The following SDAD1 variants were observed in gnomAD, a reference collection of about 807,000 sequenced individuals.
The protein encoded by SDAD1 is protein SDA1 homolog.
In SDAD1, 79 loss-of-function variants were observed where a neutral mutation model predicts 100.3. The ratio of observed to expected loss-of-function variants is 0.79; its 90% CI spans 0.66 to 0.95. The LOEUF is 0.95. Ranked by LOEUF, SDAD1 falls within the 40% of genes least tolerant of loss-of-function variation. SDAD1 has a pLI of 0.00. For synonymous variants in SDAD1, 267 were observed against 271.4 expected (o/e 0.98, Z 0.16); for missense variants, 790 against 810.9 (o/e 0.97, Z 0.31).
rs2242472 is a variant in SDAD1, at chr4:75,957,574, G to C, written c.1713C>G (p.Ala571=). ...ATTTCCTCTTCTGGGATTTCCCGGG[G>C]GCAGCATCAAGTTCTTTTCTCATTT... ...MAQMRKELDA[A]PGKSQKRKYI... The change falls in exon 19 of 22, where the codon GCC becomes GCG. Residue 571 remains alanine (A), a synonymous_variant. Transcript: ENST00000356260. 2,266 of 1,614,092 alleles carry C rather than the reference G, an allele frequency of 1.4e-3. 44 individuals are homozygous for C. The East Asian group carries it at 0.041, about 29-fold the overall frequency.
rs918549999 is a variant in SDAD1 at position 75,990,862 on chromosome 4, G to A, written c.-21C>T. On this transcript the variant is annotated 5_prime_UTR_variant, in exon 1 of 22. Transcript: ENST00000356260. ...GACATTTTGGCTGCAGACAGACTTCGCGGCGAGCAGTTTTAAAAAAACTCA... is the reference window on the plus strand; with the variant it reads ...GACATTTTGGCTGCAGACAGACTTCACGGCGAGCAGTTTTAAAAAAACTCA... 3.7e-6 allele frequency: 6 copies of A among 1,613,872 alleles called. No homozygotes were observed. The African/African-American group carries it at 6.7e-5, about 18-fold the overall frequency.
chr4:75,974,018 G>T lies in SDAD1; in HGVS notation c.636+58C>A, dbSNP rs1007922233. On this transcript the variant is annotated intron_variant, in intron 7 of 21. Transcript: ENST00000356260. ...TGCTGAGTGATGCTTTCTTCTAACT[G>T]CATGCAGAAGCAGACCATCCACAGA... 2.8e-6 allele frequency: 4 copies of T among 1,415,116 alleles called. No individual in the cohort carries two copies. In the Admixed American group the frequency reaches 6.7e-5, roughly 24 times the overall value. 87.7% of individuals were successfully genotyped at this position (1,415,116 alleles called of 1,614,324 possible).
At chr4:75,974,005 C>T (rs1208176745) in intron 7 of SDAD1, 71 bp downstream of exon 7, 1 of 1,327,208 alleles carries the variant, frequency 7.5e-7, no homozygotes, top group Non-Finnish European at 1.1e-6. Context: ...CTGAGTGATG[C>T]TTTCTTCTAA....
Position 75,973,338 on chromosome 4 carries a change from CT to C in SDAD1, c.689del (p.Gln230ArgfsTer18), listed in dbSNP as rs1307312403. ...TAACCTCAGATTCGGAGTCACTGTC[CT>C]GTTTTTCATCTTCATCTTTCCCAAG... ...FFLGKDEDEK[Q>X]DSDSESEDDG... On this transcript the variant is annotated frameshift_variant, in exon 8 of 22. Coordinates refer to ENST00000356260, the MANE Select transcript of SDAD1 (RefSeq NM_018115.4). LOFTEE classifies it high-confidence loss of function. 13 of 1,613,474 alleles carry C rather than the reference CT, an allele frequency of 8.1e-6. No individual in the cohort carries two copies. The highest frequency in any genetic ancestry group is 9.3e-6 in the Non-Finnish European group (11 of 1,179,726).
At chr4:75,959,060 T>G (rs538619268) in intron 17 of SDAD1, among the ~76,000 whole-genome samples, 2 of 117,542 alleles carry the variant, frequency 1.7e-5, no homozygotes, top group South Asian at 6.1e-4. Flanking sequence ...ATCACGCCAC[T>G]GTACTCCAGC....
chr4:75,970,177 T>C, intron 10 of SDAD1, 132 bp downstream of exon 10: 2 of 680,696 alleles, frequency 2.9e-6, no homozygotes, highest in East Asian at 2.6e-5. Context: ...TACAACCAAC[T>C]AGTAACAACT....
Position 75,971,406 on chromosome 4 carries a change from T to C in SDAD1, c.764A>G (p.Lys255Arg), listed in dbSNP as rs769031452. Residue 255 changes from lysine (K) to arginine (R), a missense_variant, in exon 9 of 22, where the codon AAA becomes AGA. By Grantham distance (26) the Lys-to-Arg change is conservative. Coordinates refer to ENST00000356260, the MANE Select transcript of SDAD1 (RefSeq NM_018115.4). ...DLLVQYATGKKSSKNKKKLEK... is the reference protein window; with the variant it reads ...DLLVQYATGKRSSKNKKKLEK... ...CAACTTTTTCTTGTTTTTGGAACTT[T>C]TCTTCCCTGTAGCATATTGTACTAG... 6.2e-7 allele frequency: 1 copy of C among 1,614,152 alleles called. No individual in the cohort carries two copies. The highest frequency in any genetic ancestry group is 1.1e-5 in the South Asian group (1 of 91,084).
At chr4:75,987,186 GA>G (rs1375280942) in intron 1 of SDAD1, among the ~76,000 whole-genome samples, 1 of 151,904 alleles carries the variant, frequency 6.6e-6, no homozygotes, top group Non-Finnish European at 1.5e-5. Context: ...TTTACCCTTT[GA>G]AAGTATACAA....
intron 9 of SDAD1, among the ~76,000 whole-genome samples, chr4:75,970,784 T>G (rs996703238): frequency 6.6e-6 from 1 of 152,186 alleles, no homozygotes; most frequent in Non-Finnish European, 1.5e-5. Flanking sequence ...TCACAAGATC[T>G]GATGGTTTAA....
Position 75,957,426 on chromosome 4 carries a change from A to T in SDAD1, c.1770-17T>A. On this transcript the variant is annotated splice_polypyrimidine_tract_variant and intron_variant, in intron 19 of 21. Transcript: ENST00000356260. ...AATTCACCCCTGGGGTGAGGGAAAAATAACACATGAAACAAGAATGGAATT... is the reference window on the plus strand; with the variant it reads ...AATTCACCCCTGGGGTGAGGGAAAATTAACACATGAAACAAGAATGGAATT... The T allele has an allele frequency of 6.2e-7, 1 of 1,613,498 alleles. No individual in the cohort carries two copies.
chr4:75,988,463 A>C (rs66477189), intron 1 of SDAD1, among the ~76,000 whole-genome samples: 23,088 of 152,124 alleles, frequency 0.15, 2,784 homozygotes, highest in African/African-American at 0.33. Flanking sequence ...AAAGATTACT[A>C]TCTCAAGAAG....
Position 75,965,833 on chromosome 4 carries a change from A to G in SDAD1, c.1046-11T>C, listed in dbSNP as rs770564658. ...GGATCTTGGTTACTTCTGAAAACAT[A>G]AGAGAACAGAAAGGTCATGGTCAGT... On this transcript the variant is annotated splice_polypyrimidine_tract_variant and intron_variant, in intron 12 of 21. Transcript: ENST00000356260. 7.4e-6 allele frequency: 12 copies of G among 1,612,206 alleles called. No homozygotes were observed. The highest frequency in any genetic ancestry group is 2.2e-5 in the East Asian group (1 of 44,838).
In SDAD1 at chr4:75,973,386, TA is replaced by T; in HGVS notation, c.641del (p.Leu214Ter). On this transcript the variant is annotated frameshift_variant, in exon 8 of 22. Transcript: ENST00000356260. LOFTEE classifies it high-confidence loss of function. ...TACFSKVTKILVAALTFFLGK... is the reference protein window; with the variant it reads ...TACFSKVTKIXVAALTFFLGK... ...CAAGAAAGAATGTCAAAGCGGCAAC[TA>T]ATATCTAAACACCAATGAGAAAAAA... is the stretch of plus-strand genomic sequence containing the variant. The T allele has an allele frequency of 6.2e-7, 1 of 1,612,704 alleles. No homozygotes were observed. Among genetic ancestry groups the T allele is most frequent in the African/African-American group, 1.3e-5 (1 of 75,012 alleles).
chr4:75,961,144 G>A, intron 15 of SDAD1, 40 bp from the exon 16 acceptor site: 1 of 1,607,306 alleles, frequency 6.2e-7, no homozygotes, highest in Non-Finnish European at 8.5e-7. Flanking sequence ...CTGGCCCATA[G>A]AGTACAATGA....
intron 1 of SDAD1, among the ~76,000 whole-genome samples, chr4:75,988,481 C>T (rs1433776859): frequency 2.0e-5 from 3 of 152,148 alleles, no homozygotes; most frequent in African/African-American, 7.2e-5. Context: ...AAGACCTTCC[C>T]TAACTATCCA....
In SDAD1 at chr4:75,955,970, C is replaced by T. The variant is rs1369082935; in HGVS notation, c.2016+5G>A. 2 of 1,591,012 alleles carry T rather than the reference C, an allele frequency of 1.3e-6. No homozygotes were observed. Among genetic ancestry groups the T allele is most frequent in the Admixed American group, 1.8e-5 (1 of 54,288 alleles). On this transcript the variant is annotated splice_donor_5th_base_variant and intron_variant, in intron 21 of 21. Coordinates refer to ENST00000356260, the MANE Select transcript of SDAD1 (RefSeq NM_018115.4). ...CTTGCCACCCAAGCTTCAAGTGGAACTCACCTGTTTTTCTCGGAAGGAACG... is the reference window on the plus strand; with the variant it reads ...CTTGCCACCCAAGCTTCAAGTGGAATTCACCTGTTTTTCTCGGAAGGAACG...
At chr4:75,961,174 G>A (rs758191084) in intron 15 of SDAD1, 37 bp downstream of exon 15, 5 of 1,598,838 alleles carry the variant, frequency 3.1e-6, no homozygotes, top group East Asian at 2.2e-5. Flanking sequence ...GAGTCACACT[G>A]TACTCTTTGG....
intron 21 of SDAD1, among the ~76,000 whole-genome samples, chr4:75,952,939 C>T (rs1419169386): frequency 6.6e-6 from 1 of 151,924 alleles, no homozygotes; most frequent in East Asian, 1.9e-4. Context: ...TCTTTTTTTA[C>T]TTGTTTATTT....
rs1386569391 is a variant in SDAD1 at position 75,957,844 on chromosome 4, T to TA, written c.1578+2dup. Reference sequence around the variant, plus strand: ...GGTTATAAGATGAAATTTTCAGACTTACGATTTCTTGCTGTTCTTCATCGG... The same window carrying TA: ...GGTTATAAGATGAAATTTTCAGACTTAACGATTTCTTGCTGTTCTTCATCGG... On this transcript the variant is annotated splice_region_variant and intron_variant, in intron 18 of 21. Coordinates refer to ENST00000356260, the MANE Select transcript of SDAD1 (RefSeq NM_018115.4). The TA allele has an allele frequency of 1.2e-6, 2 of 1,613,940 alleles. No individual in the cohort carries two copies. Among genetic ancestry groups the TA allele is most frequent in the African/African-American group, 2.7e-5 (2 of 74,932 alleles).
Sources: allele counts gnomAD v4.1 joint callset (sites outside exome capture counted in the v4.1 genomes callset), GRCh38; gene constraint gnomAD v4.1.1; transcripts MANE v1.5; gene names NCBI Gene and HGNC (gene_info 2026-07-23, HGNC 2026-07-21).